The following ALMS1 variants were observed in gnomAD, a reference collection of about 807,000 sequenced individuals.
ALMS1 encodes the protein centrosome-associated protein ALMS1.
A neutral mutation model predicts 352.2 loss-of-function variants in ALMS1; 271 were observed. The observed-to-expected ratio is 0.77, with a 90% CI of 0.70 to 0.85. The LOEUF (loss-of-function observed/expected upper bound fraction) is 0.85, where lower values mean the gene tolerates loss of function less well. ALMS1 is among the 40% of genes least tolerant of loss of function. The pLI is 0.00. For synonymous variants in ALMS1, 1,865 were observed against 1,761.2 expected (o/e 1.06, Z -1.48); for missense variants, 5,445 against 4,870.7 (o/e 1.12, Z -3.51).
intron 9 of ALMS1, among the ~76,000 whole-genome samples, chr2:73,478,916 A>G (rs1476380204): frequency 2.0e-5 from 3 of 151,612 alleles, no homozygotes; most frequent in African/African-American, 4.9e-5. Flanking sequence ...TTCAACTCCC[A>G]TTTATGAGTG....
chr2:73,548,636 G>A (rs1381649647), intron 12 of ALMS1, among the ~76,000 whole-genome samples: 5 of 152,192 alleles, frequency 3.3e-5, no homozygotes, highest in African/African-American at 1.2e-4. Flanking sequence ...TGTTTGTGTT[G>A]TACTACAATA....
chr2:73,488,912 A>G (rs1294197609), intron 9 of ALMS1, among the ~76,000 whole-genome samples: 1 of 152,114 alleles, frequency 6.6e-6, no homozygotes, highest in Non-Finnish European at 1.5e-5. Context: ...GTTAGGGGTA[A>G]AATATTAGGA....
intron 9 of ALMS1, among the ~76,000 whole-genome samples, chr2:73,487,213 A>C (rs148691209): frequency 0.013 from 2,050 of 152,298 alleles, 22 homozygotes; most frequent in Middle Eastern, 0.02. Context: ...GGCTCGCACT[A>C]CTATGCTATG....
intron 1 of ALMS1, among the ~76,000 whole-genome samples, chr2:73,394,525 T>A (rs1670714970): frequency 6.6e-6 from 1 of 152,036 alleles, no homozygotes; most frequent in Admixed American, 6.5e-5. Context: ...TATTTTTGTA[T>A]TTTTAGTGGA....
At position 73,450,728 on chromosome 2, in the gene ALMS1, C is replaced by T. The variant is rs770037290; in HGVS notation, c.4201C>T (p.Leu1401=). ...FYQQSLPGSH[L]TEEAKNVSAV... ...CCAACAGTCGTTGCCAGGTAGTCATCTAACTGAAGAGGCTAAGAACGTTTC... is the reference window on the plus strand; with the variant it reads ...CCAACAGTCGTTGCCAGGTAGTCATTTAACTGAAGAGGCTAAGAACGTTTC... Residue 1401 remains leucine, a synonymous_variant, in exon 8 of 23, where the codon CTA becomes TTA. Transcript: ENST00000613296. 3 of 1,613,302 alleles carry T rather than the reference C, an allele frequency of 1.9e-6. No homozygotes were observed. Among genetic ancestry groups the T allele is most frequent in the Admixed American group, 1.7e-5 (1 of 59,914 alleles).
intron 11 of ALMS1, among the ~76,000 whole-genome samples, chr2:73,533,727 C>A (rs1673969236): frequency 6.6e-6 from 1 of 152,046 alleles, no homozygotes; most frequent in African/African-American, 2.4e-5. Context: ...AAAAAAATGT[C>A]CATAATAGTA....
intron 15 of ALMS1, among the ~76,000 whole-genome samples, chr2:73,567,810 A>G (rs565507081): frequency 3.9e-5 from 6 of 152,360 alleles, no homozygotes; most frequent in African/African-American, 1.4e-4. Context: ...CTTTTCTAAT[A>G]AATTTGAGCA....
chr2:73,418,798 T>G (rs1360221242), intron 2 of ALMS1, among the ~76,000 whole-genome samples: 1 of 152,216 alleles, frequency 6.6e-6, no homozygotes, highest in African/African-American at 2.4e-5. Flanking sequence ...AACTTCTACT[T>G]TTGTCAGTCC....
At chr2:73,485,426 G>T (rs1297550553) in intron 9 of ALMS1, among the ~76,000 whole-genome samples, 2 of 152,240 alleles carry the variant, frequency 1.3e-5, no homozygotes, top group African/African-American at 2.4e-5. Context: ...GAGGCAGTCT[G>T]CCCGTTCTCA....
chr2:73,452,368 C>T lies in ALMS1; in HGVS notation c.5841C>T (p.Pro1947=), dbSNP rs1558650547. The change falls in exon 8 of 23, where the codon CCC becomes CCT. Residue 1947 remains proline (P), a synonymous_variant. Transcript: ENST00000613296. ...PLSYYSRREK[P]SVISQQELPD... is the part of the protein sequence containing the mutation. ...GTTACTACTCACGTAGAGAGAAGCCCAGTGTTATCTCTCAACAGGAGTTGC... is the reference window on the plus strand; with the variant it reads ...GTTACTACTCACGTAGAGAGAAGCCTAGTGTTATCTCTCAACAGGAGTTGC... 1 of 1,613,826 alleles carries T rather than the reference C, an allele frequency of 6.2e-7. No individual in the cohort carries two copies. The highest frequency in any genetic ancestry group is 8.5e-7 in the Non-Finnish European group (1 of 1,179,898).
intron 11 of ALMS1, among the ~76,000 whole-genome samples, chr2:73,528,286 C>T (rs377064394): frequency 8.5e-5 from 13 of 152,120 alleles, no homozygotes; most frequent in African/African-American, 3.1e-4. Flanking sequence ...GTTGATTTTT[C>T]TGTCTGGATG....
At chr2:73,602,966 A>G (rs919160187) in intron 20 of ALMS1, among the ~76,000 whole-genome samples, 3 of 152,222 alleles carry the variant, frequency 2.0e-5, no homozygotes, top group African/African-American at 7.2e-5. Flanking sequence ...GAAAACTACA[A>G]AGCACTACCT....
At chr2:73,411,258 C>T (rs1230601968) in intron 2 of ALMS1, among the ~76,000 whole-genome samples, 1 of 151,948 alleles carries the variant, frequency 6.6e-6, no homozygotes, top group Non-Finnish European at 1.5e-5. Context: ...TGGAATTATG[C>T]TGCCACATCC....
chr2:73,391,014 A>G (rs935728269), intron 1 of ALMS1, among the ~76,000 whole-genome samples: 1 of 151,394 alleles, frequency 6.6e-6, no homozygotes, highest in Non-Finnish European at 1.5e-5. Flanking sequence ...CAGGTTATCC[A>G]CCCGCCTCGG....
chr2:73,538,883 C>T (rs1023165223), intron 12 of ALMS1, among the ~76,000 whole-genome samples: 12 of 152,268 alleles, frequency 7.9e-5, no homozygotes, highest in East Asian at 1.9e-4. Flanking sequence ...ACAAAGCGGC[C>T]GGGAAGCTCG....
rs374220893 is a variant in ALMS1 at position 73,602,293 on chromosome 2, G to A, written c.12223G>A (p.Glu4075Lys). 9.0e-5 allele frequency: 146 copies of A among 1,614,174 alleles called. No homozygotes were observed. Among genetic ancestry groups the A allele is most frequent in the Middle Eastern group, 3.3e-4 (2 of 6,062 alleles). ...GAAGCTGCAGAGCATGTTACAGACC[G>A]AGCGGGATGCACTATTCAACATTGA... ...ERKLQSMLQT[E>K]RDALFNIDRE... Residue 4075 changes from glutamate to lysine, a missense_variant, in exon 20 of 23, where the codon GAG becomes AAG. Coordinates refer to ENST00000613296, the MANE Select transcript of ALMS1 (RefSeq NM_001378454.1).
rs563989825 is a variant in ALMS1 at position 73,424,717 on chromosome 2, G to A, written c.1052G>A (p.Arg351Gln). ...DLCSYMSWKT[R>Q]KDTQWPENNL... is the part of the protein sequence containing the mutation. ...TGTTCATATATGTCATGGAAGACAC[G>A]AAAAGATACACAGTGGCCTGAAAAC... Residue 351 changes from arginine (R) to glutamine (Q), a missense_variant, in exon 5 of 23, where the codon CGA (arginine) becomes CAA (glutamine). Arg to Gln is a conservative substitution (Grantham distance 43). Coordinates refer to ENST00000613296, the MANE Select transcript of ALMS1 (RefSeq NM_001378454.1). 2.5e-5 allele frequency: 41 copies of A among 1,614,044 alleles called. No individual in the cohort carries two copies. The highest frequency in any genetic ancestry group is 8.0e-5 in the African/African-American group (6 of 75,020).
At chr2:73,534,402 G>A (rs1348662139) in intron 11 of ALMS1, among the ~76,000 whole-genome samples, 2 of 152,096 alleles carry the variant, frequency 1.3e-5, no homozygotes, top group African/African-American at 4.8e-5. Flanking sequence ...TTATGACCAG[G>A]TTAGGGTTCG....
chr2:73,423,093 C>T, intron 4 of ALMS1, 119 bp downstream of exon 4: 2 of 868,234 alleles, frequency 2.3e-6, no homozygotes, highest in South Asian at 1.4e-5. Context: ...TTAGGACACG[C>T]CCTGAAGGTA....
Sources: gnomAD v4.1 joint callset for allele counts (sites outside exome capture counted in the v4.1 genomes callset) on GRCh38, gnomAD v4.1.1 for gene constraint, MANE v1.5 for transcripts, NCBI Gene and HGNC (gene_info 2026-07-23, HGNC 2026-07-21) for gene names.